BACH2: variants seen among roughly 807,000 people sequenced by gnomAD.
The protein encoded by BACH2 is BACH transcriptional regulator 2.
BACH2 carries 5 observed loss-of-function variants against 61.8 expected under a neutral mutation model. The observed-to-expected ratio is 0.08, with a 90% CI of 0.04 to 0.17. The LOEUF is 0.17. Ranked by LOEUF, BACH2 falls within the 10% of genes least tolerant of loss-of-function variation. BACH2 has a pLI of 1.00. For synonymous variants in BACH2, 446 were observed against 440.1 expected, an observed-to-expected ratio of 1.01 and a Z score of -0.17; for missense variants, 824 against 1,091.1, an observed-to-expected ratio of 0.76 and a Z score of 3.45.
rs78749499 is a variant in BACH2, at chr6:90,043,253, C to A, written c.-12-34397G>T. Among the ~76,000 whole-genome samples, 2,009 of 152,186 alleles carry A rather than the reference C, an allele frequency of 0.013. 65 individuals are homozygous for A. In the East Asian group the frequency reaches 0.14, roughly 10 times the overall value. ...TCATGTGTTGGCAACTTAATCCTTG[C>A]GACAGCAGTGTTGAGAGGTGGGACC... On this transcript the variant is annotated intron_variant, in intron 5 of 8. Coordinates refer to ENST00000257749, the MANE Select transcript of BACH2 (RefSeq NM_021813.4).
In BACH2 at chr6:89,951,435, G is replaced by A. The variant is rs746829056; in HGVS notation, c.671C>T (p.Ala224Val). The A allele has an allele frequency of 1.2e-5, 20 of 1,614,108 alleles. No homozygotes were observed. The highest frequency in any genetic ancestry group is 1.7e-5 in the Admixed American group (1 of 60,004). Residue 224 changes from alanine to valine, a missense_variant, in exon 7 of 9, where the codon GCG becomes GTG. This residue lies in a region of BACH2 where 19 missense variants were observed against 44.2 expected (regional missense o/e 0.43). Coordinates refer to ENST00000257749, the MANE Select transcript of BACH2 (RefSeq NM_021813.4). The surrounding 1 kb of genome is among the most constrained non-coding windows in gnomAD (Gnocchi z 6.4). ...TDTKESSEKD[A>V]LTQYPRYKKY... The stretch of plus-strand genomic sequence containing the variant: ...CTTGTATCTGGGGTACTGCGTTAAC[G>A]CGTCCTTTTCTGAGCTCTCCTTGGT...
At position 90,020,534 on chromosome 6, in the gene BACH2, C is replaced by T. The variant is rs142209399; in HGVS notation, c.-12-11678G>A. Among the ~76,000 whole-genome samples, 152 of 152,098 alleles carry T rather than the reference C, an allele frequency of 1.0e-3. No individual in the cohort carries two copies. In the Middle Eastern group the frequency reaches 0.014, roughly 14 times the overall value. ...CAGTCCTCATCAGCAAGAAGGCCCT[C>T]ACCAGATGCGGCCCCTAGACCTCGA... On this transcript the variant is annotated intron_variant, in intron 5 of 8. Transcript: ENST00000257749.
At chr6:90,266,753 T>C (rs932472114) in intron 2 of BACH2, among the ~76,000 whole-genome samples, 11 of 151,950 alleles carry the variant, frequency 7.2e-5, no homozygotes, top group Non-Finnish European at 1.6e-4. Context: ...GGTTGAGGGA[T>C]AAGGGGAATG....
At chr6:90,272,337 C>A (rs1430812676) in intron 1 of BACH2, among the ~76,000 whole-genome samples, 2 of 151,942 alleles carry the variant, frequency 1.3e-5, no homozygotes, top group Admixed American at 1.3e-4. Context: ...TCCTCTTTCT[C>A]CTTCTGCTTC....
intron 6 of BACH2, among the ~76,000 whole-genome samples, chr6:89,984,181 G>A (rs1196520316): frequency 6.6e-6 from 1 of 151,970 alleles, no homozygotes; most frequent in African/African-American, 2.4e-5. Context: ...TTAATATCAA[G>A]CCCACTGCCC....
chr6:90,295,870 G>A (rs1772346195), intron 1 of BACH2, among the ~76,000 whole-genome samples: 1 of 152,264 alleles, frequency 6.6e-6, no homozygotes, highest in Admixed American at 6.5e-5. Flanking sequence ...CCCTAAACTT[G>A]GGCTTTGATT....
In BACH2 at chr6:89,932,259, A is replaced by G. The variant is rs944032756; in HGVS notation, c.*149T>C. 3 of 1,026,710 alleles carry G rather than the reference A, an allele frequency of 2.9e-6. No individual in the cohort carries two copies. The highest frequency in any genetic ancestry group is 3.2e-5 in the African/African-American group (2 of 62,364). 63.6% of individuals were successfully genotyped at this position (1,026,710 alleles called of 1,614,324 possible). On this transcript the variant is annotated 3_prime_UTR_variant, in exon 9 of 9. Coordinates refer to ENST00000257749, the MANE Select transcript of BACH2 (RefSeq NM_021813.4). ...CTCCTGCTCGAGAAGAGGAGAGGAT[A>G]CTTCGGAACAGTATTGCTGCTAAGA...
intron 4 of BACH2, among the ~76,000 whole-genome samples, chr6:90,103,006 C>CATACATATATATATATATATAT: frequency 2.2e-5 from 1 of 44,938 alleles, no homozygotes; most frequent in African/African-American, 1.6e-4. Flanking sequence ...TGACACAATA[C>CATACATATATATATATATATAT]ATATATATAT....
chr6:90,293,228 C>T (rs549574210), intron 1 of BACH2, among the ~76,000 whole-genome samples: 1 of 152,280 alleles, frequency 6.6e-6, no homozygotes, highest in South Asian at 2.1e-4. Context: ...ATTTATTTAT[C>T]TAAGTATTCT....
intron 2 of BACH2, among the ~76,000 whole-genome samples, chr6:90,265,581 T>C (rs1452987605): frequency 6.6e-6 from 1 of 152,252 alleles, no homozygotes; most frequent in Non-Finnish European, 1.5e-5. Flanking sequence ...AACACCACGC[T>C]GCAGAACAAC....
intron 6 of BACH2, among the ~76,000 whole-genome samples, chr6:89,974,058 C>G (rs1369602727): frequency 6.6e-6 from 1 of 152,156 alleles, no homozygotes; most frequent in Non-Finnish European, 1.5e-5. Context: ...GAGATACTCA[C>G]TGAGTCTCCA....
At chr6:90,078,884 G>T (rs1211437700) in intron 5 of BACH2, among the ~76,000 whole-genome samples, 1 of 152,084 alleles carries the variant, frequency 6.6e-6, no homozygotes, top group Admixed American at 6.5e-5. Context: ...TGCCACAGTT[G>T]GGGATGCCAA....
intron 1 of BACH2, among the ~76,000 whole-genome samples, chr6:90,288,807 C>T (rs943327733): frequency 6.6e-6 from 1 of 152,174 alleles, no homozygotes; most frequent in Non-Finnish European, 1.5e-5. Flanking sequence ...TGGTAGAATA[C>T]TCTACCTCTT....
intron 6 of BACH2, among the ~76,000 whole-genome samples, chr6:89,983,581 A>G (rs1050347330): frequency 5.9e-5 from 9 of 152,310 alleles, no homozygotes; most frequent in Non-Finnish European, 1.0e-4. Context: ...AGGCAGGAGA[A>G]TCACTTGAAC....
rs139605703 is a variant in BACH2, at chr6:90,093,808, G to A, written c.-161-4699C>T. On this transcript the variant is annotated intron_variant, in intron 4 of 8. Transcript: ENST00000257749. Reference sequence around the variant, plus strand: ...CACTTCCTGCCTTGTGGCATTTTGCGGCTAGATTGATTTCCGAAGACCTCA... The same window carrying A: ...CACTTCCTGCCTTGTGGCATTTTGCAGCTAGATTGATTTCCGAAGACCTCA... Among the ~76,000 whole-genome samples, 61 of 152,256 alleles carry A rather than the reference G, an allele frequency of 4.0e-4. No homozygotes were observed. The East Asian group carries it at 6.4e-3, about 16-fold the overall frequency.
At chr6:90,021,407 G>A (rs1482871035) in intron 5 of BACH2, among the ~76,000 whole-genome samples, 1 of 151,636 alleles carries the variant, frequency 6.6e-6, no homozygotes, top group East Asian at 1.9e-4. Context: ...CATGTCTAGA[G>A]TGCTTCAGAT....
intron 1 of BACH2, among the ~76,000 whole-genome samples, chr6:90,291,969 G>T (rs143307121): frequency 6.4e-4 from 97 of 152,266 alleles, no homozygotes; most frequent in African/African-American, 2.1e-3. Flanking sequence ...ACAGGGAAAG[G>T]AGAAAAACAG....
intron 5 of BACH2, among the ~76,000 whole-genome samples, chr6:90,085,577 G>A (rs1021005670): frequency 6.6e-6 from 1 of 152,140 alleles, no homozygotes; most frequent in Admixed American, 6.5e-5. Context: ...TCCCTTGATG[G>A]CTTCTGACAA....
chr6:90,137,112 C>A (rs578217605), intron 4 of BACH2, among the ~76,000 whole-genome samples: 58 of 152,242 alleles, frequency 3.8e-4, no homozygotes, highest in African/African-American at 1.3e-3. Context: ...ACGGCAAAGC[C>A]TGACACAGAC....
Sources: allele counts gnomAD v4.1 joint callset (sites outside exome capture counted in the v4.1 genomes callset), GRCh38; gene constraint gnomAD v4.1.1; regional missense constraint gnomAD v4.1.1; non-coding constraint Gnocchi (gnomAD v3.1); transcripts MANE v1.5; gene names NCBI Gene and HGNC (gene_info 2026-07-23, HGNC 2026-07-21).